Variants in JDP2 observed in about 807,000 individuals in gnomAD.
JDP2 encodes the protein progesterone receptor co-activator.
In JDP2, 9 loss-of-function variants were observed where a neutral mutation model predicts 17.1. The ratio of observed to expected loss-of-function variants is 0.53; its 90% CI spans 0.32 to 0.92. The LOEUF (loss-of-function observed/expected upper bound fraction) is 0.92. JDP2 is among the 40% of genes least tolerant of loss of function. The pLI is 0.04. For synonymous variants in JDP2, 107 were observed against 95.6 expected, an observed-to-expected ratio of 1.12 and a Z score of -0.69; for missense variants, 179 against 220.0, an observed-to-expected ratio of 0.81 and a Z score of 1.18.
chr14:75,447,640 G>T (rs61978924), intron 2 of JDP2, among the ~76,000 whole-genome samples: 2,740 of 152,144 alleles, frequency 0.018, 24 homozygotes, highest in South Asian at 0.04. Flanking sequence ...AGCTGATGAG[G>T]CACTATCTAT....
intron 2 of JDP2, among the ~76,000 whole-genome samples, chr14:75,444,812 C>T (rs1360503498): frequency 6.6e-6 from 1 of 152,198 alleles, no homozygotes; most frequent in Non-Finnish European, 1.5e-5. Flanking sequence ...GAAGTATTAG[C>T]CTATGACCTG....
Position 75,469,830 on chromosome 14 carries a change from T to C in JDP2, c.*355T>C, listed in dbSNP as rs556473289. On this transcript the variant is annotated 3_prime_UTR_variant, in exon 4 of 4. Coordinates refer to ENST00000651602, the MANE Select transcript of JDP2 (RefSeq NM_001135048.2). ...TCTGGCCTCTTCACCAGGGCACCCA[T>C]CCAAGGAACCTCCGAACAGCCAGGA... 2.6e-5 allele frequency: 5 copies of C among 190,930 alleles called. No homozygotes were observed. Among genetic ancestry groups the C allele is most frequent in the African/African-American group, 4.7e-5 (2 of 42,894 alleles). The allele number at this position is 190,930 out of a possible 1,614,324, so 11.8% of individuals were successfully genotyped here. A position where few individuals can be genotyped will look rare whatever the true frequency, so the allele number is the denominator to read the frequency against.
intron 2 of JDP2, among the ~76,000 whole-genome samples, chr14:75,450,744 C>T (rs1037735316): frequency 1.3e-5 from 2 of 152,196 alleles, no homozygotes; most frequent in Non-Finnish European, 2.9e-5. Context: ...TGGATCAGGC[C>T]TCCCTTCCTC....
chr14:75,439,979 A>C (rs983695116), intron 2 of JDP2, among the ~76,000 whole-genome samples: 1 of 152,162 alleles, frequency 6.6e-6, no homozygotes, highest in South Asian at 2.1e-4. Context: ...GGGCTGAGTT[A>C]ACACCTCTCT....
intron 2 of JDP2, among the ~76,000 whole-genome samples, chr14:75,440,776 GGTCTCTTTGTGAA>G (rs1294136973): frequency 4.6e-5 from 7 of 152,182 alleles, no homozygotes; most frequent in Non-Finnish European, 8.8e-5. Context: ...CACGGTACTA[GGTCTCTTTGTGAA>G]GTACCTTGTT....
chr14:75,430,546 T>G lies in JDP2; in HGVS notation c.-24+2294T>G, dbSNP rs1315172024. On this transcript the variant is annotated intron_variant, in intron 1 of 3. Coordinates refer to ENST00000651602, the MANE Select transcript of JDP2 (RefSeq NM_001135048.2). The surrounding 1 kb of genome is among the most constrained non-coding windows in gnomAD (Gnocchi z 4.5). ...GGCAGCAGGCACATTATTTTTCCAT[T>G]TTCCTTTAATTAAGGCTCTGTGGAG... Among the ~76,000 whole-genome samples, 2 of 152,100 alleles carry G rather than the reference T, an allele frequency of 1.3e-5. No individual in the cohort carries two copies. The highest frequency in any genetic ancestry group is 2.4e-5 in the African/African-American group (1 of 41,394).
intron 2 of JDP2, among the ~76,000 whole-genome samples, chr14:75,449,476 T>C (rs1885753432): frequency 6.6e-6 from 1 of 152,260 alleles, no homozygotes. Context: ...AGCTGTATTA[T>C]TAACTCTTTG....
In JDP2 at chr14:75,455,417, A is replaced by T. The variant is rs117607130; in HGVS notation, c.202-6009A>T. Among the ~76,000 whole-genome samples, 15 of 152,210 alleles carry T rather than the reference A, an allele frequency of 9.9e-5. No homozygotes were observed. In the East Asian group the frequency reaches 2.9e-3, roughly 29 times the overall value. ...GGACTTATGTAAATCACAGAGATAG[A>T]TTCATACACGAGATAGTCTTGTTTG... On this transcript the variant is annotated intron_variant, in intron 2 of 3. Transcript: ENST00000651602.
rs147874557 is a variant in JDP2 at position 75,467,188 on chromosome 14, G to T, written c.307-2102G>T. On this transcript the variant is annotated intron_variant, in intron 3 of 3. Transcript: ENST00000651602. ...CCTAAAGCGAGCTATGATCACAGTG[G>T]AGTAGTTTTCCCTTCTAAACCCATC... is the stretch of plus-strand genomic sequence containing the variant. Among the ~76,000 whole-genome samples, 604 of 152,316 alleles carry T rather than the reference G, an allele frequency of 4.0e-3. 4 individuals carry two copies. The highest frequency in any genetic ancestry group is 0.014 in the Middle Eastern group (4 of 294).
chr14:75,460,419 G>A (rs558772485), intron 2 of JDP2, among the ~76,000 whole-genome samples: 26 of 152,172 alleles, frequency 1.7e-4, no homozygotes, highest in Non-Finnish European at 2.6e-4. Flanking sequence ...AGGAACATTG[G>A]GTATGGAGGA....
Position 75,472,045 on chromosome 14 carries a change from C to T in JDP2, c.*2570C>T, listed in dbSNP as rs1159554331. The T allele has an allele frequency of 2.0e-5, 3 of 152,226 alleles. No individual in the cohort carries two copies. The highest frequency in any genetic ancestry group is 7.2e-5 in the African/African-American group (3 of 41,436). The allele number at this position is 152,226 out of a possible 1,614,324, so 9.4% of individuals were successfully genotyped here. On this transcript the variant is annotated 3_prime_UTR_variant, in exon 4 of 4. Transcript: ENST00000651602. Reference sequence around the variant, plus strand: ...GTGCAGGTGGGCTGTCTTCCAAAGTCACCACACCAGTGACTTGTGCTGTGC... The same window carrying T: ...GTGCAGGTGGGCTGTCTTCCAAAGTTACCACACCAGTGACTTGTGCTGTGC...
Position 75,469,282 on chromosome 14 carries a change from G to A in JDP2, c.307-8G>A. 1.2e-6 allele frequency: 2 copies of A among 1,612,732 alleles called. No individual in the cohort carries two copies. The highest frequency in any genetic ancestry group is 1.7e-6 in the Non-Finnish European group (2 of 1,179,172). ...AAACTCACAGCGTGCTTCTGTGTTG[G>A]TATACAGGAATCCGAGCGGCTGGAA... is the stretch of plus-strand genomic sequence containing the variant. On this transcript the variant is annotated splice_polypyrimidine_tract_variant and splice_region_variant and intron_variant, in intron 3 of 3. Transcript: ENST00000651602.
rs1056487164 is a variant in JDP2 at position 75,430,507 on chromosome 14, T to C, written c.-24+2255T>C. On this transcript the variant is annotated intron_variant, in intron 1 of 3. Coordinates refer to ENST00000651602, the MANE Select transcript of JDP2 (RefSeq NM_001135048.2). The surrounding 1 kb of genome is among the most constrained non-coding windows in gnomAD (Gnocchi z 4.5). ...ATGGGTATGTGTGTGTGCATACCTA[T>C]ATAGGCAGGGGAGGGCAGCAGGCAC... Among the ~76,000 whole-genome samples the C allele has an allele frequency of 1.3e-5, 2 of 152,180 alleles. No homozygotes were observed. The highest frequency in any genetic ancestry group is 1.3e-4 in the Admixed American group (2 of 15,282).
chr14:75,466,791 C>T (rs1458012483), intron 3 of JDP2, among the ~76,000 whole-genome samples: 1 of 152,158 alleles, frequency 6.6e-6, no homozygotes, highest in East Asian at 1.9e-4. Context: ...GAACAGCTGC[C>T]CTCCCAGGCT....
At chr14:75,446,386 C>T (rs577779693) in intron 2 of JDP2, among the ~76,000 whole-genome samples, 1 of 152,238 alleles carries the variant, frequency 6.6e-6, no homozygotes, top group South Asian at 2.1e-4. Context: ...ATAATAGCTC[C>T]AAAGTGGAAG....
chr14:75,453,887 T>C (rs1885982488), intron 2 of JDP2, among the ~76,000 whole-genome samples: 1 of 152,226 alleles, frequency 6.6e-6, no homozygotes, highest in African/African-American at 2.4e-5. Context: ...CTGGGGGTTT[T>C]GGTTTTTCTT....
intron 2 of JDP2, among the ~76,000 whole-genome samples, chr14:75,456,912 T>C (rs973026355): frequency 1.3e-5 from 2 of 152,174 alleles, no homozygotes; most frequent in African/African-American, 4.8e-5. Context: ...AGGGCCCTCT[T>C]GGTCCTGAGT....
chr14:75,460,492 G>T (rs1002210789), intron 2 of JDP2, among the ~76,000 whole-genome samples: 1 of 152,192 alleles, frequency 6.6e-6, no homozygotes, highest in Non-Finnish European at 1.5e-5. Context: ...TCAAGGAGGT[G>T]GGAAGGTGGC....
At position 75,437,932 on chromosome 14, in the gene JDP2, G is replaced by C; in HGVS notation, c.12G>C (p.Gly4=). 6.2e-7 allele frequency: 1 copy of C among 1,609,996 alleles called. No individual in the cohort carries two copies. Among genetic ancestry groups the C allele is most frequent in the Non-Finnish European group, 8.5e-7 (1 of 1,178,324 alleles). ...CCACTCCTCCTGCTATGATGCCTGG[G>C]CAGATCCCGGACCCTTCGGTGACCA... MMP[G]QIPDPSVTTG... The change falls in exon 2 of 4, where the codon GGG becomes GGC. Residue 4 remains glycine, a synonymous_variant. Coordinates refer to ENST00000651602, the MANE Select transcript of JDP2 (RefSeq NM_001135048.2).
Sources: allele counts gnomAD v4.1 joint callset (sites outside exome capture counted in the v4.1 genomes callset), GRCh38; gene constraint gnomAD v4.1.1; non-coding constraint Gnocchi (gnomAD v3.1); transcripts MANE v1.5; gene names NCBI Gene and HGNC (gene_info 2026-07-23, HGNC 2026-07-21).